Variants in CDH23 observed in about 807,000 individuals in gnomAD.
CDH23 encodes cadherin related 23.
A neutral mutation model predicts 317.1 loss-of-function variants in CDH23; 189 were observed. That is an observed-to-expected ratio of 0.60 (90% CI 0.53 to 0.67). The LOEUF (loss-of-function observed/expected upper bound fraction) is 0.67. Ranked by LOEUF, CDH23 falls within the 30% of genes least tolerant of loss-of-function variation. The pLI is 0.00. For synonymous variants in CDH23, 1,839 were observed against 1,876.8 expected (o/e 0.98, Z 0.52); for missense variants, 4,401 against 4,592.4 (o/e 0.96, Z 1.20).
chr10:71,521,442 A>G (rs1854675405), intron 6 of CDH23, among the ~76,000 whole-genome samples: 1 of 152,112 alleles, frequency 6.6e-6, no homozygotes, highest in Non-Finnish European at 1.5e-5. Flanking sequence ...TCAGAAATCC[A>G]TCCCATCCGT....
At chr10:71,595,472 TCCA>T (rs1564676481) in intron 9 of CDH23, among the ~76,000 whole-genome samples, 1 of 152,128 alleles carries the variant, frequency 6.6e-6, no homozygotes, top group Non-Finnish European at 1.5e-5. Flanking sequence ...TCATGCTTAC[TCCA>T]CCATCCTTGG....
chr10:71,626,886 A>G (rs899395028), intron 11 of CDH23, among the ~76,000 whole-genome samples: 5 of 152,218 alleles, frequency 3.3e-5, no homozygotes, highest in African/African-American at 1.2e-4. Context: ...TCATCAATGA[A>G]GTAAAGCAGA....
chr10:71,498,453 C>T (rs568785902), intron 3 of CDH23, among the ~76,000 whole-genome samples: 13 of 152,266 alleles, frequency 8.5e-5, no homozygotes, highest in African/African-American at 2.4e-4. Context: ...CCCAGGGTCC[C>T]GGGGAAAGGC....
chr10:71,543,109 C>T (rs777762870), intron 6 of CDH23, among the ~76,000 whole-genome samples: 20 of 152,218 alleles, frequency 1.3e-4, no homozygotes, highest in Non-Finnish European at 7.3e-5. Flanking sequence ...ACTTATGAGA[C>T]GCTGTTCCTC....
intron 6 of CDH23, among the ~76,000 whole-genome samples, chr10:71,521,815 C>T (rs1854703742): frequency 6.6e-6 from 1 of 152,234 alleles, no homozygotes. Context: ...TATACCCACC[C>T]ATCCGAGCTT....
chr10:71,700,381 C>G (rs954185871), intron 22 of CDH23, among the ~76,000 whole-genome samples: 1 of 152,018 alleles, frequency 6.6e-6, no homozygotes, highest in African/African-American at 2.4e-5. Context: ...AGCAAGACTT[C>G]GTCTCAAAGA....
chr10:71,440,689 G>A (rs1382234488), intron 2 of CDH23, among the ~76,000 whole-genome samples: 1 of 152,184 alleles, frequency 6.6e-6, no homozygotes, highest in Non-Finnish European at 1.5e-5. Flanking sequence ...CTGGGCATTT[G>A]CTTCTCGCTT....
intron 3 of CDH23, among the ~76,000 whole-genome samples, chr10:71,499,953 G>A (rs974938820): frequency 6.8e-6 from 1 of 146,118 alleles, no homozygotes; most frequent in African/African-American, 2.5e-5. Context: ...GGAGGTAGAG[G>A]TTGCAGTGAG....
At chr10:71,765,498 C>T (rs1342524640) in intron 38 of CDH23, among the ~76,000 whole-genome samples, 1 of 152,180 alleles carries the variant, frequency 6.6e-6, no homozygotes, top group Non-Finnish European at 1.5e-5. Context: ...GCCTGAGTGT[C>T]CCTGTGAACA....
intron 15 of CDH23, 81 bp from the exon 16 acceptor site, chr10:71,677,375 A>G: frequency 4.5e-6 from 5 of 1,123,212 alleles, no homozygotes; most frequent in Non-Finnish European, 5.1e-6. Context: ...GGGCAAGGAC[A>G]GGCTGGGAAA....
chr10:71,505,964 A>G (rs1018153212), intron 3 of CDH23, among the ~76,000 whole-genome samples: 4 of 152,264 alleles, frequency 2.6e-5, no homozygotes, highest in African/African-American at 9.6e-5. Context: ...TCCAATAGTC[A>G]ACAGATGGGA....
intron 6 of CDH23, among the ~76,000 whole-genome samples, chr10:71,537,427 C>G (rs1246786584): frequency 6.6e-6 from 1 of 152,136 alleles, no homozygotes; most frequent in African/African-American, 2.4e-5. Context: ...TCCTGCCCCC[C>G]TCAAAAAAGT....
intron 66 of CDH23, 112 bp downstream of exon 66, chr10:71,812,127 G>A (rs943812327): frequency 6.6e-5 from 105 of 1,602,014 alleles, no homozygotes; most frequent in Non-Finnish European, 8.2e-5. Flanking sequence ...GGCTGTGGGC[G>A]CCCCCTGGTG....
intron 1 of CDH23, among the ~76,000 whole-genome samples, chr10:71,400,748 G>A (rs1403518831): frequency 6.6e-6 from 1 of 152,128 alleles, no homozygotes; most frequent in Non-Finnish European, 1.5e-5. Context: ...GCAGTGAGCC[G>A]AGATCATGCC....
intron 3 of CDH23, among the ~76,000 whole-genome samples, chr10:71,466,325 T>C (rs1027234176): frequency 2.0e-5 from 3 of 152,146 alleles, no homozygotes; most frequent in South Asian, 2.1e-4. Flanking sequence ...CCCATGTATA[T>C]GAGCATGCAT....
chr10:71,781,904 A>T (rs1840966634), intron 41 of CDH23, among the ~76,000 whole-genome samples: 1 of 152,186 alleles, frequency 6.6e-6, no homozygotes, highest in African/African-American at 2.4e-5. Flanking sequence ...GGGTCACGAC[A>T]TCCATTTCCC....
rs386371783 is a variant in CDH23, at chr10:71,801,150, C to CTTTTT, written c.7482+413_7482+417dup. 6.4e-3 allele frequency among the ~76,000 whole-genome samples: 474 copies of CTTTTT among 73,962 alleles called. 7 individuals are homozygous for CTTTTT. The highest frequency in any genetic ancestry group is 0.012 in the East Asian group (26 of 2,178). 48.5% of individuals were successfully genotyped at this position (73,962 alleles called of 152,430 possible). A position where few individuals can be genotyped will look rare whatever the true frequency, so the allele number is the denominator to read the frequency against. ...CATCTTTATTTATGTCTCTCTCTCTCTTTTTTTTTTTTTTTTTTTTTTGAG... is the reference window on the plus strand; with the variant it reads ...CATCTTTATTTATGTCTCTCTCTCTCTTTTTTTTTTTTTTTTTTTTTTTTTTTGAG... On this transcript the variant is annotated intron_variant, in intron 53 of 69. Transcript: ENST00000224721.
rs879232181 is a variant in CDH23 at position 71,511,058 on chromosome 10, C to T, written c.336+57C>T. ...TCCTGGGGTCACAGGATTTCTGGAC[C>T]CCTAGGGTGGAAGAGGCCAGAGTCA... On this transcript the variant is annotated intron_variant, in intron 5 of 69. Transcript: ENST00000224721. 8 of 1,611,754 alleles carry T rather than the reference C, an allele frequency of 5.0e-6. No homozygotes were observed. The South Asian group carries it at 8.8e-5, about 18-fold the overall frequency.
In CDH23 at chr10:71,773,204, T is replaced by C. The variant is rs113756458; in HGVS notation, c.4846-4476T>C. On this transcript the variant is annotated intron_variant, in intron 38 of 69. Transcript: ENST00000224721. ...GGCACAGTTGCCACTGCACCCTGCC[T>C]AGGGGTCCCAGCAGCCTCTGGGCGG... Among the ~76,000 whole-genome samples the C allele has an allele frequency of 5.1e-3, 770 of 152,318 alleles. 9 individuals carry two copies. Among genetic ancestry groups the C allele is most frequent in the African/African-American group, 0.018 (730 of 41,572 alleles).
Sources: allele counts gnomAD v4.1 joint callset (sites outside exome capture counted in the v4.1 genomes callset), GRCh38; gene constraint gnomAD v4.1.1; transcripts MANE v1.5; gene names NCBI Gene and HGNC (gene_info 2026-07-23, HGNC 2026-07-21).